Variants in CCDC171 observed in about 807,000 individuals in gnomAD.
The protein encoded by CCDC171 is coiled-coil domain containing 171.
CCDC171 carries 177 observed loss-of-function variants against 168.2 expected under a neutral mutation model. That is an observed-to-expected ratio of 1.05 (90% CI 0.93 to 1.19). CCDC171 has a LOEUF of 1.19. CCDC171 is among the 50% of genes most tolerant of loss of function. CCDC171 has a pLI of 0.00. For missense variants in CCDC171, 1,991 were observed against 1,539.0 expected (o/e 1.29, Z -4.91); for synonymous variants, 687 against 540.8 (o/e 1.27, Z -3.75).
At chr9:15,608,120 A>G (rs1261510334) in intron 6 of CCDC171, among the ~76,000 whole-genome samples, 1 of 152,070 alleles carries the variant, frequency 6.6e-6, no homozygotes, top group Admixed American at 6.5e-5. Context: ...CACCAGTTCT[A>G]CTGCCATGAT....
chr9:15,846,914 C>T lies in CCDC171; in HGVS notation c.3413+67C>T, dbSNP rs149109308. The T allele has an allele frequency of 1.1e-4, 151 of 1,414,650 alleles. 1 individual carries two copies. Among genetic ancestry groups the T allele is most frequent in the Middle Eastern group, 9.4e-4 (4 of 4,266 alleles). The allele number at this position is 1,414,650 out of a possible 1,614,324, so 87.6% of individuals were successfully genotyped here. A position where few individuals can be genotyped will look rare whatever the true frequency, so the allele number is the denominator to read the frequency against. The stretch of plus-strand genomic sequence containing the variant: ...AAGATCAATTCTTACTTTCATGCTC[C>T]GGGTTTTAGCCCTGGATAATACAGT... On this transcript the variant is annotated intron_variant, in intron 22 of 25. Transcript: ENST00000380701.
intron 18 of CCDC171, among the ~76,000 whole-genome samples, chr9:15,771,568 C>T (rs1243211183): frequency 8.0e-6 from 1 of 124,870 alleles, no homozygotes; most frequent in Non-Finnish European, 1.9e-5. Context: ...TGTATATTAA[C>T]ACTTTATCAT....
chr9:15,742,024 T>C (rs2054912308), intron 16 of CCDC171, among the ~76,000 whole-genome samples: 1 of 152,250 alleles, frequency 6.6e-6, no homozygotes, highest in Admixed American at 6.5e-5. Context: ...TATTTTCACT[T>C]ATCTAAGTGT....
intron 6 of CCDC171, among the ~76,000 whole-genome samples, chr9:15,599,164 G>A (rs1387897226): frequency 6.6e-6 from 1 of 152,152 alleles, no homozygotes; most frequent in African/African-American, 2.4e-5. Flanking sequence ...GATTAACGTT[G>A]TTATGTGTGA....
intron 11 of CCDC171, among the ~76,000 whole-genome samples, chr9:15,699,059 G>A (rs940783225): frequency 4.0e-5 from 6 of 149,706 alleles, no homozygotes; most frequent in African/African-American, 1.2e-4. Context: ...CTGACTTCAA[G>A]AATGAAGCCG....
intron 24 of CCDC171, among the ~76,000 whole-genome samples, chr9:15,898,497 A>C (rs1386629778): frequency 6.6e-6 from 1 of 152,168 alleles, no homozygotes; most frequent in East Asian, 1.9e-4. Flanking sequence ...GTTTTATTCA[A>C]GTATCTGCAT....
chr9:15,676,334 C>T (rs772821235), intron 9 of CCDC171, among the ~76,000 whole-genome samples: 9 of 152,184 alleles, frequency 5.9e-5, no homozygotes, highest in African/African-American at 1.7e-4. Context: ...TCCTTTAGCT[C>T]GGAGAAGTTT....
chr9:15,669,721 T>C (rs1215957258), intron 9 of CCDC171, among the ~76,000 whole-genome samples: 1 of 152,094 alleles, frequency 6.6e-6, no homozygotes, highest in Non-Finnish European at 1.5e-5. Context: ...TAAATTTAAT[T>C]TGAAACATCA....
intron 7 of CCDC171, among the ~76,000 whole-genome samples, chr9:15,627,069 A>G (rs2045202090): frequency 6.6e-6 from 1 of 152,130 alleles, no homozygotes; most frequent in South Asian, 2.1e-4. Flanking sequence ...CGAGGAATTT[A>G]TCCATTTCTT....
chr9:15,924,969 G>A (rs755746732), intron 25 of CCDC171, among the ~76,000 whole-genome samples: 5 of 151,162 alleles, frequency 3.3e-5, no homozygotes, highest in African/African-American at 9.7e-5. Context: ...ACTTGTGCTC[G>A]GCCTTCTTTG....
At chr9:15,649,038 A>G (rs1387398567) in intron 7 of CCDC171, among the ~76,000 whole-genome samples, 2 of 152,242 alleles carry the variant, frequency 1.3e-5, no homozygotes, top group African/African-American at 4.8e-5. Flanking sequence ...TGGTACTGGT[A>G]CCAAAACAGA....
intron 21 of CCDC171, among the ~76,000 whole-genome samples, chr9:15,794,703 A>G (rs1265821952): frequency 6.6e-6 from 1 of 152,254 alleles, no homozygotes; most frequent in African/African-American, 2.4e-5. Flanking sequence ...CATGTGATAC[A>G]GATGGCATGT....
chr9:15,804,355 A>C (rs1477945048), intron 21 of CCDC171, among the ~76,000 whole-genome samples: 1 of 151,808 alleles, frequency 6.6e-6, no homozygotes, highest in African/African-American at 2.4e-5. Flanking sequence ...ACTGTATGAT[A>C]TTGGCTGTGT....
chr9:15,673,735 C>G (rs917553770), intron 9 of CCDC171, among the ~76,000 whole-genome samples: 1 of 152,168 alleles, frequency 6.6e-6, no homozygotes, highest in Non-Finnish European at 1.5e-5. Flanking sequence ...TGATGTGCTG[C>G]TGGATTCAGT....
chr9:15,755,685 A>C (rs1001758503), intron 18 of CCDC171, among the ~76,000 whole-genome samples: 4 of 152,224 alleles, frequency 2.6e-5, no homozygotes, highest in African/African-American at 9.6e-5. Flanking sequence ...GTAGTGAAAG[A>C]GGATGGTGAC....
chr9:15,985,121 A>G (rs987004940), intron 3 of CCDC171, among the ~76,000 whole-genome samples: 9 of 152,174 alleles, frequency 5.9e-5, no homozygotes, highest in African/African-American at 2.2e-4. Context: ...TGTTTAGAAG[A>G]AAATAAACTC....
At chr9:15,820,322 G>A (rs1360417529) in intron 21 of CCDC171, among the ~76,000 whole-genome samples, 1 of 115,504 alleles carries the variant, frequency 8.7e-6, no homozygotes, top group African/African-American at 3.3e-5. Flanking sequence ...CTAGCAGAAG[G>A]CAAGAAATAA....
At chr9:15,847,647 T>G (rs1217727936) in intron 22 of CCDC171, among the ~76,000 whole-genome samples, 3 of 152,090 alleles carry the variant, frequency 2.0e-5, no homozygotes, top group Admixed American at 6.6e-5. Flanking sequence ...TTTTCTAAAT[T>G]TAGAATTCTG....
chr9:15,573,301 A>C (rs564636633), intron 3 of CCDC171, among the ~76,000 whole-genome samples: 60 of 152,154 alleles, frequency 3.9e-4, no homozygotes, highest in African/African-American at 1.3e-3. Context: ...TTTGAGACGA[A>C]GTCTCGCTCT....
Sources: gnomAD v4.1 joint callset for allele counts (sites outside exome capture counted in the v4.1 genomes callset) on GRCh38, gnomAD v4.1.1 for gene constraint, MANE v1.5 for transcripts, NCBI Gene and HGNC (gene_info 2026-07-23, HGNC 2026-07-21) for gene names.